PDE4D: variants seen among roughly 807,000 people sequenced by gnomAD.
The protein encoded by PDE4D is phosphodiesterase 4D, also known as 3',5'-cyclic-AMP phosphodiesterase 4D.
PDE4D carries 24 observed loss-of-function variants against 87.4 expected under a neutral mutation model. That is an observed-to-expected ratio of 0.27 (90% CI 0.20 to 0.39). PDE4D has a LOEUF of 0.39. PDE4D is among the 10% of genes least tolerant of loss of function. The pLI, the probability that PDE4D is intolerant of heterozygous loss-of-function variation, is 1.00. For missense variants in PDE4D, 714 were observed against 1,041.0 expected, an observed-to-expected ratio of 0.69 and a Z score of 4.32; for synonymous variants, 384 against 383.2, an observed-to-expected ratio of 1.00 and a Z score of -0.02.
intron 1 of PDE4D, among the ~76,000 whole-genome samples, chr5:59,676,977 C>G: frequency 6.6e-6 from 1 of 151,936 alleles, no homozygotes; most frequent in Non-Finnish European, 1.5e-5. Context: ...CTTTTTACTT[C>G]CATGAGATCA....
Position 60,203,807 on chromosome 5 carries a change from C to A in PDE4D, c.-89-18120G>T, listed in dbSNP as rs572706039. On this transcript the variant is annotated intron_variant, in intron 1 of 16. Transcript: ENST00000502484. ...ATAGGATGTAATATTTATGCCCTAG[C>A]CACCATCCTATGCAAGGTAGGCTTT... 1.2e-4 allele frequency among the ~76,000 whole-genome samples: 19 copies of A among 152,214 alleles called. No homozygotes were observed. In the South Asian group the frequency reaches 1.5e-3, roughly 12 times the overall value.
At chr5:59,053,655 G>GTTTTTTTTTTTTTTTTTTTTT (rs1367942598) in intron 5 of PDE4D, among the ~76,000 whole-genome samples, 2 of 74,896 alleles carry the variant, frequency 2.7e-5, no homozygotes, top group African/African-American at 1.1e-4. Flanking sequence ...GTTTTTTTTT[G>GTTTTTTTTTTTTTTTTTTTTT]TTGTTGTTTT....
At chr5:59,296,357 GT>G (rs996330681) in intron 1 of PDE4D, among the ~76,000 whole-genome samples, 1 of 151,970 alleles carries the variant, frequency 6.6e-6, no homozygotes, top group African/African-American at 2.4e-5. Context: ...ATTTTGAATT[GT>G]GATGAAATGG....
At chr5:59,298,786 T>G (rs771613522) in intron 1 of PDE4D, among the ~76,000 whole-genome samples, 1 of 152,164 alleles carries the variant, frequency 6.6e-6, no homozygotes, top group Non-Finnish European at 1.5e-5. Context: ...TAAAAAAAAT[T>G]TAAATTTCCC....
At chr5:60,496,700 T>A (rs1749829249) in intron 1 of PDE4D, among the ~76,000 whole-genome samples, 1 of 152,172 alleles carries the variant, frequency 6.6e-6, no homozygotes, top group African/African-American at 2.4e-5. Flanking sequence ...TTATCTCCAT[T>A]TTCACCAAGA....
rs1746621411 is a variant in PDE4D, at chr5:59,668,852, GAAGAAGAAGAAGAAGAA to G, written c.455+224299_455+224315del. On this transcript the variant is annotated intron_variant, in intron 1 of 14. Transcript: ENST00000340635. ...AGAAGAGGAAGAGGAAGAGGAAGAA[GAAGAAGAAGAAGAAGAA>G]GAAGAAGAAGAAGAAGAAGAAGAAG... Among the ~76,000 whole-genome samples, 25 of 51,848 alleles carry G rather than the reference GAAGAAGAAGAAGAAGAA, an allele frequency of 4.8e-4. No individual in the cohort carries two copies. In the South Asian group the frequency reaches 6.4e-3, roughly 13 times the overall value. 34.0% of individuals were successfully genotyped at this position (51,848 alleles called of 152,430 possible).
At chr5:60,431,564 G>T (rs1744308904) in intron 1 of PDE4D, among the ~76,000 whole-genome samples, 1 of 151,626 alleles carries the variant, frequency 6.6e-6, no homozygotes, top group Non-Finnish European at 1.5e-5. Flanking sequence ...TGGCGGCCGG[G>T]CAGAGACGCT....
chr5:59,723,767 A>T (rs2150569882), intron 1 of PDE4D, among the ~76,000 whole-genome samples: 1 of 152,306 alleles, frequency 6.6e-6, no homozygotes, highest in Non-Finnish European at 1.5e-5. Flanking sequence ...AGTTGTCCAA[A>T]CTAATATTGA....
chr5:60,298,619 T>A (rs1013556177), intron 1 of PDE4D, among the ~76,000 whole-genome samples: 1 of 152,212 alleles, frequency 6.6e-6, no homozygotes, highest in African/African-American at 2.4e-5. Flanking sequence ...GTTTTTCACA[T>A]CAATTTTAGC....
Position 58,976,342 on chromosome 5 carries a change from G to C in PDE4D, c.1830+8C>G. ...ACACACACAGAGCAAACTCAAACAA[G>C]GCTTTACCTGAATCCTATCGGAATA... On this transcript the variant is annotated splice_region_variant and intron_variant, in intron 13 of 14. Transcript: ENST00000340635. 1 of 1,611,490 alleles carries C rather than the reference G, an allele frequency of 6.2e-7. No individual in the cohort carries two copies. The highest frequency in any genetic ancestry group is 8.5e-7 in the Non-Finnish European group (1 of 1,178,958).
At chr5:59,125,419 A>T (rs1364287732) in intron 5 of PDE4D, 6 of 291,268 alleles carry the variant, frequency 2.1e-5, no homozygotes, top group Non-Finnish European at 3.1e-5. Flanking sequence ...TTATTTGCTA[A>T]TTCCCATCCC....
At chr5:60,425,606 C>T (rs926773931) in intron 1 of PDE4D, among the ~76,000 whole-genome samples, 1 of 152,154 alleles carries the variant, frequency 6.6e-6, no homozygotes, top group Non-Finnish European at 1.5e-5. Context: ...CAATACCATT[C>T]AGGACACAGG....
chr5:59,248,905 C>A lies in PDE4D; in HGVS notation c.456-32937G>T, dbSNP rs546836325. On this transcript the variant is annotated intron_variant, in intron 1 of 14. Transcript: ENST00000340635. ...GAGCTAGGTTAAAAAATCACAAATA[C>A]GGAAAATGTAGCTAAACATTTATCT... 2.6e-5 allele frequency among the ~76,000 whole-genome samples: 4 copies of A among 151,932 alleles called. No homozygotes were observed. The South Asian group carries it at 8.3e-4, about 32-fold the overall frequency.
rs374838696 is a variant in PDE4D, at chr5:59,527,258, T to G, written c.456-311290A>C. Among the ~76,000 whole-genome samples the G allele has an allele frequency of 4.7e-4, 71 of 152,298 alleles. No homozygotes were observed. The East Asian group carries it at 5.0e-3, about 11-fold the overall frequency. Reference sequence around the variant, plus strand: ...AAATTTACATATATGAATAAGCAAATGCATAAATTTGTAAAAATTGAATGG... The same window carrying G: ...AAATTTACATATATGAATAAGCAAAGGCATAAATTTGTAAAAATTGAATGG... On this transcript the variant is annotated intron_variant, in intron 1 of 14. Transcript: ENST00000340635.
At chr5:60,459,005 TG>T (rs1323959810) in intron 1 of PDE4D, among the ~76,000 whole-genome samples, 2 of 151,562 alleles carry the variant, frequency 1.3e-5, no homozygotes, top group African/African-American at 4.9e-5. Context: ...GTGTGTGTTG[TG>T]TGTGTGTGTA....
At position 59,772,904 on chromosome 5, in the gene PDE4D, A is replaced by AGTTGT. The variant is rs1260721191; in HGVS notation, c.455+120259_455+120263dup. 3.9e-5 allele frequency among the ~76,000 whole-genome samples: 6 copies of AGTTGT among 152,314 alleles called. No homozygotes were observed. In the East Asian group the frequency reaches 1.2e-3, roughly 29 times the overall value. On this transcript the variant is annotated intron_variant, in intron 1 of 14. Transcript: ENST00000340635. ...TTGAACCCCAGAAGTACTAGTTACT[A>AGTTGT]GTTGTGTTACTTTACTTTTCAGTGG... is the stretch of plus-strand genomic sequence containing the variant.
intron 5 of PDE4D, among the ~76,000 whole-genome samples, chr5:59,089,578 G>A (rs371770749): frequency 6.6e-6 from 1 of 152,116 alleles, no homozygotes; most frequent in Non-Finnish European, 1.5e-5. Context: ...AGAACCTCAA[G>A]TAACTTGCCC....
At chr5:59,342,497 T>C (rs1274030073) in intron 1 of PDE4D, among the ~76,000 whole-genome samples, 1 of 152,184 alleles carries the variant, frequency 6.6e-6, no homozygotes, top group Non-Finnish European at 1.5e-5. Context: ...TAATTTTTAC[T>C]AGTCCTTTTT....
intron 1 of PDE4D, among the ~76,000 whole-genome samples, chr5:59,515,978 AATTCC>A (rs1365094976): frequency 6.6e-6 from 1 of 152,236 alleles, no homozygotes; most frequent in African/African-American, 2.4e-5. Flanking sequence ...CACAGAATTC[AATTCC>A]ATATGTAAAA....
Sources: allele counts gnomAD v4.1 joint callset (sites outside exome capture counted in the v4.1 genomes callset), GRCh38; gene constraint gnomAD v4.1.1; transcripts MANE v1.5; gene names NCBI Gene and HGNC (gene_info 2026-07-23, HGNC 2026-07-21).